IGF2BP3: variants seen among roughly 807,000 people sequenced by gnomAD.
The protein encoded by IGF2BP3 is insulin-like growth factor 2 mRNA-binding protein 3.
A neutral mutation model predicts 73.8 loss-of-function variants in IGF2BP3; 9 were observed. The ratio of observed to expected loss-of-function variants is 0.12; its 90% confidence interval spans 0.07 to 0.21. IGF2BP3 has a LOEUF of 0.21. Ranked by LOEUF, IGF2BP3 falls within the 10% of genes least tolerant of loss-of-function variation. The pLI is 1.00. For missense variants in IGF2BP3, 542 were observed against 714.0 expected (o/e 0.76, Z 2.75); for synonymous variants, 258 against 256.7 (o/e 1.01, Z -0.05).
Position 23,367,809 on chromosome 7 carries a change from G to A in IGF2BP3, c.286-6068C>T, listed in dbSNP as rs181278316. On this transcript the variant is annotated intron_variant, in intron 3 of 14. Coordinates refer to ENST00000258729, the MANE Select transcript of IGF2BP3 (RefSeq NM_006547.3). ...TGAGGTCAGGAGTTTGAGACCAGCC[G>A]GGCCAACATGGTGAAACCCCATCTC... Among the ~76,000 whole-genome samples, 857 of 151,896 alleles carry A rather than the reference G, an allele frequency of 5.6e-3. 3 individuals are homozygous for A. Among genetic ancestry groups the A allele is most frequent in the African/African-American group, 0.02 (826 of 41,406 alleles).
chr7:23,387,633 T>C (rs1786128821), intron 3 of IGF2BP3, among the ~76,000 whole-genome samples: 1 of 152,250 alleles, frequency 6.6e-6, no homozygotes. Flanking sequence ...TTCTACAATT[T>C]GTTTTAAATT....
intron 1 of IGF2BP3, among the ~76,000 whole-genome samples, chr7:23,468,909 T>C (rs1386211629): frequency 6.6e-6 from 1 of 152,160 alleles, no homozygotes; most frequent in African/African-American, 2.4e-5. Context: ...GGGGCTCCCC[T>C]GGCTTTCTTC....
At chr7:23,426,359 T>C (rs1236842405) in intron 2 of IGF2BP3, among the ~76,000 whole-genome samples, 1 of 131,324 alleles carries the variant, frequency 7.6e-6, no homozygotes, top group Non-Finnish European at 1.6e-5. Flanking sequence ...GGGCCAAAAT[T>C]GCCAGAAATG....
At chr7:23,457,426 C>T (rs1202128075) in intron 2 of IGF2BP3, among the ~76,000 whole-genome samples, 1 of 151,964 alleles carries the variant, frequency 6.6e-6, no homozygotes, top group African/African-American at 2.4e-5. Context: ...GATCGCGCCA[C>T]TGCACTCCAG....
At chr7:23,314,904 TCTC>T (rs780009291) in intron 12 of IGF2BP3, among the ~76,000 whole-genome samples, 28 of 151,794 alleles carry the variant, frequency 1.8e-4, no homozygotes, top group Non-Finnish European at 3.8e-4. Context: ...TTCAAGCCAT[TCTC>T]CTGCCTCAGC....
chr7:23,336,102 T>C (rs1399154112), intron 10 of IGF2BP3, among the ~76,000 whole-genome samples: 1 of 152,128 alleles, frequency 6.6e-6, no homozygotes, highest in Non-Finnish European at 1.5e-5. Context: ...ATGCATCATT[T>C]CTACTTTCAT....
At chr7:23,438,896 T>C (rs553826021) in intron 2 of IGF2BP3, among the ~76,000 whole-genome samples, 2 of 152,294 alleles carry the variant, frequency 1.3e-5, no homozygotes, top group East Asian at 3.9e-4. Flanking sequence ...GATTCTACTT[T>C]CCACCATTAT....
At chr7:23,363,845 G>A (rs1011574899) in intron 3 of IGF2BP3, among the ~76,000 whole-genome samples, 9 of 152,254 alleles carry the variant, frequency 5.9e-5, no homozygotes, top group African/African-American at 2.2e-4. Context: ...AATTTGCCAT[G>A]TGATGTTGAT....
At chr7:23,312,998 C>T in intron 13 of IGF2BP3, 150 bp from the exon 14 acceptor site, 2 of 601,030 alleles carry the variant, frequency 3.3e-6, no homozygotes, top group South Asian at 4.4e-5. Flanking sequence ...GAATTATCCC[C>T]ACTTCAAGAT....
At chr7:23,335,073 T>TAAA (rs5882898) in intron 10 of IGF2BP3, among the ~76,000 whole-genome samples, 7 of 69,182 alleles carry the variant, frequency 1.0e-4, no homozygotes, top group Admixed American at 2.0e-4. Context: ...TCTTTAACAT[T>TAAA]AAAAAAAAAA....
chr7:23,407,713 C>A (rs746024341), intron 3 of IGF2BP3, among the ~76,000 whole-genome samples: 1 of 151,740 alleles, frequency 6.6e-6, no homozygotes, highest in Admixed American at 6.6e-5. Flanking sequence ...CAAATCACTT[C>A]CAGAAAAGGT....
chr7:23,386,391 AG>A (rs1786082452), intron 3 of IGF2BP3, among the ~76,000 whole-genome samples: 2 of 152,174 alleles, frequency 1.3e-5, no homozygotes, highest in Non-Finnish European at 2.9e-5. Flanking sequence ...AGTGCCAGAA[AG>A]TACGTACTCA....
At chr7:23,449,431 G>T (rs1788142288) in intron 2 of IGF2BP3, among the ~76,000 whole-genome samples, 1 of 151,946 alleles carries the variant, frequency 6.6e-6, no homozygotes. Flanking sequence ...GCAGGAAAAT[G>T]GCATGAAACC....
chr7:23,373,122 G>C (rs1459183191), intron 3 of IGF2BP3, among the ~76,000 whole-genome samples: 1 of 152,178 alleles, frequency 6.6e-6, no homozygotes, highest in East Asian at 1.9e-4. Flanking sequence ...CCATAGGCAG[G>C]TTAAGAGCTT....
At chr7:23,393,222 G>C (rs1004080746) in intron 3 of IGF2BP3, among the ~76,000 whole-genome samples, 1 of 152,058 alleles carries the variant, frequency 6.6e-6, no homozygotes, top group African/African-American at 2.4e-5. Flanking sequence ...ACTCAGAATG[G>C]TCCTTCATGC....
At chr7:23,422,124 C>G (rs963967195) in intron 2 of IGF2BP3, among the ~76,000 whole-genome samples, 2 of 152,024 alleles carry the variant, frequency 1.3e-5, no homozygotes, top group Non-Finnish European at 2.9e-5. Context: ...GGATTAGCAG[C>G]AGAGTTAAGA....
chr7:23,371,154 AAC>A (rs60859365), intron 3 of IGF2BP3, among the ~76,000 whole-genome samples: 8,067 of 147,714 alleles, frequency 0.055, 686 homozygotes, highest in African/African-American at 0.18. Flanking sequence ...ACACCTTGCC[AAC>A]ACACACACAC....
rs79658538 is a variant in IGF2BP3 at position 23,454,636 on chromosome 7, T to A, written c.236+13846A>T. 7.7e-3 allele frequency among the ~76,000 whole-genome samples: 1,176 copies of A among 152,138 alleles called. 29 individuals are homozygous for A. Among genetic ancestry groups the A allele is most frequent in the African/African-American group, 0.027 (1,120 of 41,422 alleles). ...GATTTTAAAAACAGAAATCTCAGAG[T>A]TTAATCAGTTTGCACAAGATCACAG... On this transcript the variant is annotated intron_variant, in intron 2 of 14. Transcript: ENST00000258729.
intron 12 of IGF2BP3, among the ~76,000 whole-genome samples, chr7:23,316,706 A>C (rs900495713): frequency 4.0e-5 from 6 of 151,850 alleles, no homozygotes; most frequent in South Asian, 4.2e-4. Flanking sequence ...AGAAAAAAAA[A>C]ACTACAGCTT....
Sources: allele counts gnomAD v4.1 joint callset (sites outside exome capture counted in the v4.1 genomes callset), GRCh38; gene constraint gnomAD v4.1.1; transcripts MANE v1.5; gene names NCBI Gene and HGNC (gene_info 2026-07-23, HGNC 2026-07-21).